RNF216: variants seen among roughly 807,000 people sequenced by gnomAD.
The protein encoded by RNF216 is E3 ubiquitin-protein ligase RNF216.
In RNF216, 72 loss-of-function variants were observed where a neutral mutation model predicts 110.8. The ratio of observed to expected loss-of-function variants is 0.65; its 90% CI spans 0.54 to 0.79. The LOEUF is 0.79. Ranked by LOEUF, RNF216 falls within the 30% of genes least tolerant of loss-of-function variation. The pLI is 0.00. For missense variants in RNF216, 1,342 were observed against 1,141.2 expected (o/e 1.18, Z -2.54); for synonymous variants, 495 against 407.5 (o/e 1.21, Z -2.59).
intron 13 of RNF216, among the ~76,000 whole-genome samples, chr7:5,654,442 T>C (rs965418485): frequency 1.3e-5 from 2 of 151,960 alleles, no homozygotes; most frequent in South Asian, 2.1e-4. Context: ...ATTCCAGCAC[T>C]TTGGGAGGCC....
At chr7:5,653,958 G>T (rs1350811081) in intron 13 of RNF216, among the ~76,000 whole-genome samples, 1 of 152,256 alleles carries the variant, frequency 6.6e-6, no homozygotes, top group East Asian at 1.9e-4. Flanking sequence ...GCAAGGCCTT[G>T]AAGGGCATGA....
chr7:5,683,216 G>C (rs1051648934), intron 13 of RNF216, among the ~76,000 whole-genome samples: 3 of 152,102 alleles, frequency 2.0e-5, no homozygotes, highest in Non-Finnish European at 4.4e-5. Context: ...AGGGCCAGTG[G>C]AATCTATGTA....
At chr7:5,677,340 G>A (rs996141093) in intron 13 of RNF216, among the ~76,000 whole-genome samples, 2 of 152,192 alleles carry the variant, frequency 1.3e-5, no homozygotes, top group Non-Finnish European at 2.9e-5. Context: ...CACTAAAGGT[G>A]GGCACTAGGT....
At chr7:5,754,828 G>C (rs552097756) in intron 2 of RNF216, among the ~76,000 whole-genome samples, 1 of 152,194 alleles carries the variant, frequency 6.6e-6, no homozygotes, top group African/African-American at 2.4e-5. Context: ...AGGAGTTCGA[G>C]ACGAGCCTGG....
chr7:5,743,727 G>T lies in RNF216; in HGVS notation c.202-1912C>A, dbSNP rs112525451. ...GATACATGCTAAACTGGTAACAACA[G>T]TTCCTCTGGGAAGTCCCTAGAAGAA... On this transcript the variant is annotated intron_variant, in intron 3 of 16. Transcript: ENST00000389902. 2.2e-3 allele frequency among the ~76,000 whole-genome samples: 338 copies of T among 152,280 alleles called. 4 individuals carry two copies. Among genetic ancestry groups the T allele is most frequent in the Middle Eastern group, 0.01 (3 of 294 alleles).
chr7:5,646,456 G>A (rs948420822), intron 14 of RNF216, among the ~76,000 whole-genome samples: 4 of 152,102 alleles, frequency 2.6e-5, no homozygotes. Flanking sequence ...CACCTTGGGA[G>A]GCAGAGGCGG....
chr7:5,778,810 C>G (rs796848201), intron 1 of RNF216, among the ~76,000 whole-genome samples: 2 of 152,354 alleles, frequency 1.3e-5, no homozygotes, highest in Admixed American at 1.3e-4. Flanking sequence ...GTGGCACAAT[C>G]TCGGATCACT....
intron 2 of RNF216, among the ~76,000 whole-genome samples, chr7:5,759,368 C>T (rs1013686773): frequency 9.9e-5 from 15 of 152,208 alleles, no homozygotes; most frequent in African/African-American, 3.6e-4. Flanking sequence ...CTTCCTCCTC[C>T]TCTTCAGCCT....
Position 5,705,611 on chromosome 7 carries a change from T to TA in RNF216, c.2061+6149dup, listed in dbSNP as rs112336346. Among the ~76,000 whole-genome samples, 281 of 151,882 alleles carry TA rather than the reference T, an allele frequency of 1.9e-3. 2 individuals carry two copies. The highest frequency in any genetic ancestry group is 0.01 in the Middle Eastern group (3 of 294). ...GGGAAAAAATGAACCATATGCCCTT[T>TA]AAAAAAAACTGCGGTAGGCTGGGCA... is the stretch of plus-strand genomic sequence containing the variant. On this transcript the variant is annotated intron_variant, in intron 13 of 16. Transcript: ENST00000389902.
intron 13 of RNF216, among the ~76,000 whole-genome samples, chr7:5,702,040 G>C (rs1010097607): frequency 6.6e-6 from 1 of 152,194 alleles, no homozygotes; most frequent in Admixed American, 6.5e-5. Flanking sequence ...AGGGATCAGG[G>C]AGGTCGGCGA....
rs370004752 is a variant in RNF216 at position 5,752,879 on chromosome 7, T to G, written c.168A>C (p.Glu56Asp). 1 of 1,612,622 alleles carries G rather than the reference T, an allele frequency of 6.2e-7. No homozygotes were observed. The highest frequency in any genetic ancestry group is 1.3e-5 in the African/African-American group (1 of 74,912). Residue 56 changes from glutamate (E) to aspartate (D), a missense_variant, in exon 3 of 17, where the codon GAA (glutamate) becomes GAC (aspartate). Physicochemically the swap from Glu to Asp is conservative, Grantham distance 45. Transcript: ENST00000389902. Reference sequence around the variant, plus strand: ...GGATGACATCATCATCCAGGTCCTCTTCTTCATGCTGCTGAGGAGCTGGGG... The same window carrying G: ...GGATGACATCATCATCCAGGTCCTCGTCTTCATGCTGCTGAGGAGCTGGGG... ...LVTPAPQQHE[E>D]EDLDDDVILT...
chr7:5,641,929 A>T (rs1195642349), intron 14 of RNF216, among the ~76,000 whole-genome samples: 4 of 146,194 alleles, frequency 2.7e-5, no homozygotes, highest in Non-Finnish European at 6.0e-5. Context: ...GCTACTTGGG[A>T]GGTTGAGGCA....
chr7:5,735,712 A>T (rs1794356761), intron 5 of RNF216, among the ~76,000 whole-genome samples: 1 of 152,256 alleles, frequency 6.6e-6, no homozygotes, highest in Non-Finnish European at 1.5e-5. Context: ...AAATTTCCAG[A>T]ACTGACCAAC....
intron 10 of RNF216, 37 bp from the exon 11 acceptor site, chr7:5,715,227 C>T (rs1291751228): frequency 6.3e-7 from 1 of 1,594,610 alleles, no homozygotes; most frequent in South Asian, 1.1e-5. Flanking sequence ...AAATGTCCTG[C>T]ACTTAAGGAG....
chr7:5,710,531 G>C (rs956486164), intron 13 of RNF216, among the ~76,000 whole-genome samples: 1 of 152,132 alleles, frequency 6.6e-6, no homozygotes, highest in East Asian at 1.9e-4. Context: ...AGACCCAAGA[G>C]GCTGTGCAGT....
Position 5,712,781 on chromosome 7 carries a change from A to G in RNF216, c.1916T>C (p.Leu639Pro), listed in dbSNP as rs1792797195. The change falls in exon 12 of 17, where the codon CTG (leucine) becomes CCG (proline). Residue 639 changes from leucine (L) to proline (P), a missense_variant. Physicochemically the swap from Leu to Pro is moderately conservative, Grantham distance 98. Transcript: ENST00000389902. Reference protein sequence around the residue: ...ELEKVLPQTILYKYYERKAEE... With the variant: ...ELEKVLPQTIPYKYYERKAEE... ...GGCTTTTCGCTCATAGTACTTATAC[A>G]GGATGGTCTGGGGGAGCACCTTCTC... 6.2e-7 allele frequency: 1 copy of G among 1,614,144 alleles called. No homozygotes were observed. The highest frequency in any genetic ancestry group is 8.5e-7 in the Non-Finnish European group (1 of 1,180,020).
In RNF216 at chr7:5,725,379, C is replaced by T; in HGVS notation, c.1449G>A (p.Arg483=). 1 of 1,613,958 alleles carries T rather than the reference C, an allele frequency of 6.2e-7. No individual in the cohort carries two copies. The highest frequency in any genetic ancestry group is 8.5e-7 in the Non-Finnish European group (1 of 1,179,822). The change falls in exon 8 of 17, where the codon AGG becomes AGA. Residue 483 remains arginine (R), a synonymous_variant. Coordinates refer to ENST00000389902, the MANE Select transcript of RNF216 (RefSeq NM_207111.4). Reference sequence around the variant, plus strand: ...ACTGGTTCATTTGTTTTCTCTTCTTCCTTTTTCCACTGGTTTCTGGTGACA... The same window carrying T: ...ACTGGTTCATTTGTTTTCTCTTCTTTCTTTTTCCACTGGTTTCTGGTGACA... ...QELSPETSGK[R]KKRKQMNQYS... is the part of the protein sequence containing the mutation.
chr7:5,692,920 A>G (rs980728075), intron 13 of RNF216, among the ~76,000 whole-genome samples: 2 of 152,178 alleles, frequency 1.3e-5, no homozygotes, highest in Admixed American at 6.5e-5. Flanking sequence ...ACTGCTACCC[A>G]TTTCTTATCT....
At chr7:5,685,440 G>A (rs566144494) in intron 13 of RNF216, among the ~76,000 whole-genome samples, 4 of 152,260 alleles carry the variant, frequency 2.6e-5, no homozygotes, top group East Asian at 3.9e-4. Context: ...TTGTTGGGAG[G>A]GCAGGGCTAT....
Sources: gnomAD v4.1 joint callset for allele counts (sites outside exome capture counted in the v4.1 genomes callset) on GRCh38, gnomAD v4.1.1 for gene constraint, MANE v1.5 for transcripts, NCBI Gene and HGNC (gene_info 2026-07-23, HGNC 2026-07-21) for gene names.